The following GABRB3 variants were observed in gnomAD, a reference collection of about 807,000 sequenced individuals.
GABRB3 encodes gamma-aminobutyric acid receptor subunit beta-3.
A neutral mutation model predicts 52.1 loss-of-function variants in GABRB3; 14 were observed. The observed-to-expected ratio is 0.27, with a 90% confidence interval of 0.18 to 0.42. The LOEUF (loss-of-function observed/expected upper bound fraction) is 0.42, where lower values mean the gene tolerates loss of function less well. Among genes scored for constraint, GABRB3 ranks in the 10% least tolerant of loss-of-function variants. The pLI is 1.00. For missense variants in GABRB3, 307 were observed against 609.1 expected (o/e 0.50, Z 5.22); for synonymous variants, 260 against 232.3 (o/e 1.12, Z -1.08).
chr15:26,681,033 C>T (rs1042492642), intron 3 of GABRB3, among the ~76,000 whole-genome samples: 3 of 152,172 alleles, frequency 2.0e-5, no homozygotes, highest in Non-Finnish European at 4.4e-5. Context: ...CATTCTAATC[C>T]TTGTTTTCCT....
At chr15:26,732,948 T>C (rs868236345) in intron 3 of GABRB3, among the ~76,000 whole-genome samples, 8 of 151,648 alleles carry the variant, frequency 5.3e-5, no homozygotes, top group African/African-American at 1.9e-4. Flanking sequence ...CAGTGAGCTA[T>C]GATTGTGCCA....
chr15:26,552,008 C>CTT (rs745331256), intron 8 of GABRB3, among the ~76,000 whole-genome samples: 4 of 141,466 alleles, frequency 2.8e-5, no homozygotes, highest in Non-Finnish European at 4.7e-5. Context: ...GAAATTTTGA[C>CTT]TTTTTTTTTT....
intron 3 of GABRB3, among the ~76,000 whole-genome samples, chr15:26,723,865 G>T (rs1280822621): frequency 6.6e-6 from 1 of 152,060 alleles, no homozygotes; most frequent in East Asian, 1.9e-4. Context: ...TCAGACACGT[G>T]ATGTAAACCA....
chr15:26,742,711 T>C (rs995233751), intron 3 of GABRB3, among the ~76,000 whole-genome samples: 1 of 152,222 alleles, frequency 6.6e-6, no homozygotes, highest in Non-Finnish European at 1.5e-5. Context: ...CGTTTCCAAC[T>C]GCTTTTTAAA....
chr15:26,583,291 T>A, intron 5 of GABRB3, 41 bp downstream of exon 5: 1 of 1,503,096 alleles, frequency 6.7e-7, no homozygotes, highest in Non-Finnish European at 9.3e-7. Flanking sequence ...GGATCAAAAG[T>A]ACAAATAGGA....
intron 7 of GABRB3, among the ~76,000 whole-genome samples, 160 bp downstream of exon 7, chr15:26,567,421 C>T (rs970427437): frequency 2.6e-5 from 4 of 152,126 alleles, no homozygotes; most frequent in African/African-American, 7.2e-5. Flanking sequence ...TCAAGGGAAT[C>T]GTGCGTGAAA....
At chr15:26,552,446 C>T (rs1889510558) in intron 8 of GABRB3, among the ~76,000 whole-genome samples, 1 of 152,146 alleles carries the variant, frequency 6.6e-6, no homozygotes, top group Admixed American at 6.5e-5. Flanking sequence ...TCTCATTGTA[C>T]CAAGAGGATA....
At chr15:26,592,051 G>C (rs1157604508) in intron 4 of GABRB3, among the ~76,000 whole-genome samples, 1 of 152,144 alleles carries the variant, frequency 6.6e-6, no homozygotes, top group East Asian at 1.9e-4. Context: ...CTCCCTGGAT[G>C]AATGTAGTTG....
At chr15:26,699,275 T>C (rs1450501856) in intron 3 of GABRB3, among the ~76,000 whole-genome samples, 2 of 152,176 alleles carry the variant, frequency 1.3e-5, no homozygotes, top group Admixed American at 1.3e-4. Context: ...TGCTCCAGTA[T>C]TGCTTAACCA....
intron 3 of GABRB3, among the ~76,000 whole-genome samples, chr15:26,699,614 C>T (rs1888862034): frequency 6.6e-6 from 1 of 151,646 alleles, no homozygotes; most frequent in African/African-American, 2.4e-5. Flanking sequence ...ACACAAAAGA[C>T]TAAGATTGAG....
chr15:26,698,241 CAG>C (rs1400207381), intron 3 of GABRB3, among the ~76,000 whole-genome samples: 1 of 152,178 alleles, frequency 6.6e-6, no homozygotes, highest in Non-Finnish European at 1.5e-5. Context: ...GAATTAGAAA[CAG>C]GGAGAAAATG....
chr15:26,601,519 G>A (rs1474967859), intron 4 of GABRB3, among the ~76,000 whole-genome samples: 2 of 151,942 alleles, frequency 1.3e-5, no homozygotes, highest in Admixed American at 6.6e-5. Context: ...AAAATAACCA[G>A]AAAATAACTA....
chr15:26,665,820 A>G (rs1330379082), intron 3 of GABRB3, among the ~76,000 whole-genome samples: 1 of 152,246 alleles, frequency 6.6e-6, no homozygotes, highest in Non-Finnish European at 1.5e-5. Flanking sequence ...GAGCTACTTC[A>G]TATGACAGCA....
intron 4 of GABRB3, among the ~76,000 whole-genome samples, chr15:26,608,046 T>C (rs1891906771): frequency 6.7e-6 from 1 of 150,294 alleles, no homozygotes; most frequent in South Asian, 2.1e-4. Flanking sequence ...GGTATCACAC[T>C]ACCTTATTTC....
intron 6 of GABRB3, among the ~76,000 whole-genome samples, chr15:26,575,338 G>C (rs1408031808): frequency 8.5e-5 from 13 of 152,192 alleles, no homozygotes; most frequent in Admixed American, 8.5e-4. Flanking sequence ...TTTGGACTGA[G>C]AGATTAGGGA....
chr15:26,634,622 C>A (rs1489450822), intron 3 of GABRB3, among the ~76,000 whole-genome samples: 3 of 151,866 alleles, frequency 2.0e-5, no homozygotes, highest in Non-Finnish European at 2.9e-5. Context: ...AAATACCAAA[C>A]CTCAGACATG....
At chr15:26,619,429 A>G (rs1481087942) in intron 4 of GABRB3, among the ~76,000 whole-genome samples, 1 of 150,318 alleles carries the variant, frequency 6.7e-6, no homozygotes, top group Non-Finnish European at 1.5e-5. Context: ...CAAAAAACCA[A>G]ACACCGCATA....
rs534902704 is a variant in GABRB3 at position 26,713,726 on chromosome 15, G to A, written c.240+58676C>T. ...GTGGGTGGGAGACAGCATGCTCCCC[G>A]TTTCCATCTGGGCACTGGTTGCATG... On this transcript the variant is annotated intron_variant, in intron 3 of 8. Transcript: ENST00000311550. Among the ~76,000 whole-genome samples, 9 of 152,308 alleles carry A rather than the reference G, an allele frequency of 5.9e-5. No homozygotes were observed. In the South Asian group the frequency reaches 1.0e-3, roughly 18 times the overall value.
intron 8 of GABRB3, among the ~76,000 whole-genome samples, chr15:26,555,004 C>G (rs1889700141): frequency 6.6e-6 from 1 of 152,000 alleles, no homozygotes. Flanking sequence ...ATGATGAAAC[C>G]CTGTCTCTAC....
Sources: allele counts gnomAD v4.1 joint callset (sites outside exome capture counted in the v4.1 genomes callset), GRCh38; gene constraint gnomAD v4.1.1; transcripts MANE v1.5; gene names NCBI Gene and HGNC (gene_info 2026-07-23, HGNC 2026-07-21).